The following MICU1 variants were observed in gnomAD, a reference collection of about 807,000 sequenced individuals.
MICU1 encodes calcium uptake protein 1, mitochondrial.
In MICU1, 45 loss-of-function variants were observed where a neutral mutation model predicts 56.8. The observed-to-expected ratio is 0.79, with a 90% CI of 0.62 to 1.02. The LOEUF (loss-of-function observed/expected upper bound fraction) is 1.02. Ranked by LOEUF, MICU1 falls within the 50% of genes least tolerant of loss-of-function variation. The pLI is 0.00. For missense variants in MICU1, 504 were observed against 587.1 expected (o/e 0.86, Z 1.46); for synonymous variants, 186 against 195.1 (o/e 0.95, Z 0.39).
At chr10:72,422,321 C>G (rs984318271) in intron 9 of MICU1, among the ~76,000 whole-genome samples, 2 of 152,198 alleles carry the variant, frequency 1.3e-5, no homozygotes, top group Non-Finnish European at 2.9e-5. Flanking sequence ...CAGCTGGCAC[C>G]TTAATCACAG....
chr10:72,604,166 A>G (rs927024116), intron 1 of MICU1, among the ~76,000 whole-genome samples: 2 of 151,970 alleles, frequency 1.3e-5, no homozygotes, highest in African/African-American at 4.8e-5. Flanking sequence ...ATCTTTATAG[A>G]TACTCTTTTA....
intron 1 of MICU1, among the ~76,000 whole-genome samples, chr10:72,595,473 G>A (rs200860479): frequency 1.9e-3 from 238 of 123,588 alleles, no homozygotes; most frequent in East Asian, 6.0e-3. Context: ...AAGAAAAAAA[G>A]AAAAAAAAAA....
chr10:72,625,229 A>C (rs1192154381), intron 1 of MICU1, among the ~76,000 whole-genome samples: 1 of 152,226 alleles, frequency 6.6e-6, no homozygotes, highest in Non-Finnish European at 1.5e-5. Flanking sequence ...ATTTTACTCT[A>C]GTCCCTTAGC....
At chr10:72,502,158 G>GTTT (rs1256587038) in intron 6 of MICU1, among the ~76,000 whole-genome samples, 4 of 131,844 alleles carry the variant, frequency 3.0e-5, no homozygotes, top group African/African-American at 6.8e-5. Flanking sequence ...TTTTTTTTTT[G>GTTT]TTTTTTTTTT....
At chr10:72,387,071 CACATA>C (rs1260061403) in intron 10 of MICU1, among the ~76,000 whole-genome samples, 1 of 152,138 alleles carries the variant, frequency 6.6e-6, no homozygotes, top group Non-Finnish European at 1.5e-5. Context: ...ATAAAGATTT[CACATA>C]AACAAGTTGG....
rs1840226904 is a variant in MICU1 at position 72,558,971 on chromosome 10, T to C, written c.330+3924A>G. Among the ~76,000 whole-genome samples, 3 of 152,206 alleles carry C rather than the reference T, an allele frequency of 2.0e-5. No homozygotes were observed. In the South Asian group the frequency reaches 6.2e-4, roughly 31 times the overall value. ...AGTTCGAGACTGCGGTGAGCTTTCA[T>C]CATGCCATTGCATTCCAGCCTGGGT... On this transcript the variant is annotated intron_variant, in intron 3 of 11. Transcript: ENST00000361114.
intron 11 of MICU1, among the ~76,000 whole-genome samples, chr10:72,374,628 A>AG (rs1862454263): frequency 6.6e-6 from 1 of 152,052 alleles, no homozygotes; most frequent in South Asian, 2.1e-4. Flanking sequence ...TGGGACCAAA[A>AG]GGGAAGCTCC....
chr10:72,557,896 C>T (rs1840197729), intron 3 of MICU1, among the ~76,000 whole-genome samples: 1 of 152,162 alleles, frequency 6.6e-6, no homozygotes, highest in Admixed American at 6.6e-5. Context: ...TCTTTCGCAT[C>T]TTGTTTGGCA....
chr10:72,509,969 G>C (rs561142636), intron 5 of MICU1, among the ~76,000 whole-genome samples: 7 of 152,232 alleles, frequency 4.6e-5, no homozygotes, highest in Non-Finnish European at 1.0e-4. Context: ...TACACAAAAT[G>C]AGAATAGGTC....
intron 6 of MICU1, among the ~76,000 whole-genome samples, chr10:72,500,261 CATATATATATATATATAT>C (rs869065639): frequency 7.6e-4 from 22 of 29,070 alleles, no homozygotes; most frequent in South Asian, 6.9e-3. Flanking sequence ...TACATACATA[CATATATATATATATATAT>C]ATATATATAT....
chr10:72,561,201 A>AT (rs1467009210), intron 3 of MICU1, among the ~76,000 whole-genome samples: 1 of 152,196 alleles, frequency 6.6e-6, no homozygotes, highest in Non-Finnish European at 1.5e-5. Flanking sequence ...GATAGCTTTA[A>AT]TTTTTTCTAT....
chr10:72,537,193 C>T (rs1839658857), intron 4 of MICU1, among the ~76,000 whole-genome samples: 1 of 152,090 alleles, frequency 6.6e-6, no homozygotes, highest in Non-Finnish European at 1.5e-5. Flanking sequence ...GATTATTTCA[C>T]CTTGTTATGT....
intron 8 of MICU1, among the ~76,000 whole-genome samples, chr10:72,455,943 T>C (rs1865444892): frequency 6.6e-6 from 1 of 152,146 alleles, no homozygotes. Context: ...TATAAGAATA[T>C]GTAGCTGGGC....
chr10:72,533,834 A>C, intron 4 of MICU1, 45 bp from the exon 5 acceptor site: 3 of 1,323,354 alleles, frequency 2.3e-6, no homozygotes, highest in Non-Finnish European at 2.1e-6. Flanking sequence ...ATAATAACTC[A>C]AGTGAAATTT....
chr10:72,447,182 T>G (rs1865131832), intron 8 of MICU1, among the ~76,000 whole-genome samples: 2 of 152,216 alleles, frequency 1.3e-5, no homozygotes, highest in African/African-American at 4.8e-5. Flanking sequence ...AGGGACAAAC[T>G]ATAAGGCCTG....
At chr10:72,583,747 T>A (rs1024095513) in intron 1 of MICU1, among the ~76,000 whole-genome samples, 1 of 152,242 alleles carries the variant, frequency 6.6e-6, no homozygotes, top group East Asian at 1.9e-4. Flanking sequence ...AAATCATTTT[T>A]TAAACATCTC....
intron 1 of MICU1, among the ~76,000 whole-genome samples, chr10:72,589,090 C>A (rs750994133): frequency 1.7e-4 from 26 of 152,080 alleles, no homozygotes; most frequent in Non-Finnish European, 3.5e-4. Flanking sequence ...GAGTTTGAGA[C>A]CACCCTGGCC....
intron 6 of MICU1, among the ~76,000 whole-genome samples, chr10:72,498,257 C>G (rs539906255): frequency 6.6e-6 from 1 of 152,284 alleles, no homozygotes; most frequent in African/African-American, 2.4e-5. Context: ...CCTGCTCCAT[C>G]TACTTTCTCC....
At chr10:72,426,689 C>G (rs1485664169) in intron 8 of MICU1, among the ~76,000 whole-genome samples, 1 of 152,186 alleles carries the variant, frequency 6.6e-6, no homozygotes, top group African/African-American at 2.4e-5. Context: ...TGAGCCACAG[C>G]ACCCGGCCTG....
Sources: gnomAD v4.1 joint callset for allele counts (sites outside exome capture counted in the v4.1 genomes callset) on GRCh38, gnomAD v4.1.1 for gene constraint, MANE v1.5 for transcripts, NCBI Gene and HGNC (gene_info 2026-07-23, HGNC 2026-07-21) for gene names.